DRC8: variants seen among roughly 807,000 people sequenced by gnomAD.
The protein encoded by DRC8 is dynein regulatory complex subunit 8.
the DRC8 span, among the ~76,000 whole-genome samples, chr1:245,055,207 G>T: frequency 4.3e-3 from 649 of 152,292 alleles, 1 homozygote; most frequent in African/African-American, 0.014. Context: ...GGCATAACCA[G>T]CAAGAACAAG....
chr1:245,002,123 C>T, the DRC8 span: 1 of 1,600,670 alleles, frequency 6.2e-7, no homozygotes, highest in African/African-American at 1.3e-5. Flanking sequence ...TATGCTAGGG[C>T]CTGGGATACA....
chr1:244,978,380 CT>C, the DRC8 span, among the ~76,000 whole-genome samples: 10 of 151,650 alleles, frequency 6.6e-5, no homozygotes, highest in African/African-American at 2.2e-4. Context: ...GTTATCCCAG[CT>C]ACTCGGGAGG....
the DRC8 span, among the ~76,000 whole-genome samples, chr1:245,089,520 G>A: frequency 6.6e-6 from 1 of 152,024 alleles, no homozygotes; most frequent in Admixed American, 6.6e-5. The surrounding 1 kb of genome is among the most constrained non-coding windows in gnomAD (Gnocchi z 4.8). Flanking sequence ...AGAATTGCAA[G>A]GAGGAGGCAG....
At chr1:245,010,681 C>CTTTTTTT in the DRC8 span, among the ~76,000 whole-genome samples, 13 of 127,232 alleles carry the variant, frequency 1.0e-4, no homozygotes, top group African/African-American at 2.4e-4. Flanking sequence ...CTTTTTCTTT[C>CTTTTTTT]TTTTTTTTTT....
At chr1:245,026,355 G>C in the DRC8 span, among the ~76,000 whole-genome samples, 1 of 152,118 alleles carries the variant, frequency 6.6e-6, no homozygotes, top group African/African-American at 2.4e-5. Context: ...CTTTTCCTAG[G>C]AGCACTGGAG....
the DRC8 span, among the ~76,000 whole-genome samples, chr1:245,119,026 T>C: frequency 6.6e-6 from 1 of 152,190 alleles, no homozygotes; most frequent in Non-Finnish European, 1.5e-5. Flanking sequence ...TTGCTGGTGG[T>C]ATGAGATGCT....
chr1:245,059,907 CAT>C, the DRC8 span, among the ~76,000 whole-genome samples: 2 of 152,146 alleles, frequency 1.3e-5, no homozygotes, highest in Non-Finnish European at 1.5e-5. Context: ...AAAAACGAGT[CAT>C]GTGTAATAGT....
chr1:245,061,802 A>G, the DRC8 span, among the ~76,000 whole-genome samples: 1 of 152,208 alleles, frequency 6.6e-6, no homozygotes, highest in Non-Finnish European at 1.5e-5. Flanking sequence ...ATGTGTGTAT[A>G]TGCTTTAAAA....
chr1:244,999,662 A>G, the DRC8 span, among the ~76,000 whole-genome samples: 1 of 152,188 alleles, frequency 6.6e-6, no homozygotes, highest in Admixed American at 6.5e-5. Flanking sequence ...TTTAATCATG[A>G]TTGTAATTAT....
chr1:244,977,582 C>T, the DRC8 span, among the ~76,000 whole-genome samples: 335 of 152,134 alleles, frequency 2.2e-3, no homozygotes, highest in African/African-American at 7.8e-3. Context: ...TTTGGAGCCC[C>T]CATCCCTCTG....
chr1:245,048,041 T>A, the DRC8 span, among the ~76,000 whole-genome samples: 1 of 150,826 alleles, frequency 6.6e-6, no homozygotes, highest in East Asian at 2.0e-4. Flanking sequence ...TGGATCATCA[T>A]AAAGGTCTTG....
chr1:245,070,125 A>G, the DRC8 span, among the ~76,000 whole-genome samples: 4 of 152,206 alleles, frequency 2.6e-5, no homozygotes, highest in Admixed American at 6.5e-5. Context: ...TATATGAGGA[A>G]GTTGAGTATT....
At chr1:245,023,989 G>A in the DRC8 span, among the ~76,000 whole-genome samples, 2 of 152,170 alleles carry the variant, frequency 1.3e-5, no homozygotes, top group East Asian at 1.9e-4. Context: ...GGCCAACATG[G>A]TGAAACCCCG....
the DRC8 span, among the ~76,000 whole-genome samples, chr1:244,974,450 C>CA: frequency 6.6e-6 from 1 of 152,162 alleles, no homozygotes; most frequent in East Asian, 1.9e-4. Context: ...ACTTTGCGTG[C>CA]TTTGATAACA....
chr1:245,022,478 A>G, the DRC8 span, among the ~76,000 whole-genome samples: 3 of 152,108 alleles, frequency 2.0e-5, no homozygotes, highest in Non-Finnish European at 4.4e-5. Context: ...TTTCATTTAT[A>G]TATATTTTCC....
the DRC8 span, among the ~76,000 whole-genome samples, chr1:245,108,227 TC>T: frequency 6.6e-6 from 1 of 152,060 alleles, no homozygotes; most frequent in Non-Finnish European, 1.5e-5. Flanking sequence ...CCCTTCCATT[TC>T]CCAGCCTCCT....
At chr1:245,000,878 G>A in the DRC8 span, among the ~76,000 whole-genome samples, 2 of 152,058 alleles carry the variant, frequency 1.3e-5, no homozygotes, top group African/African-American at 4.8e-5. Flanking sequence ...GGGTACTGTG[G>A]AATCATAGAG....
chr1:245,026,865 G>A, the DRC8 span, among the ~76,000 whole-genome samples: 2 of 152,304 alleles, frequency 1.3e-5, no homozygotes, highest in East Asian at 3.9e-4. Context: ...GCATGGAAAT[G>A]ATAAGGATTA....
chr1:245,065,073 CTTT>C, the DRC8 span, among the ~76,000 whole-genome samples: 1 of 81,566 alleles, frequency 1.2e-5, no homozygotes, highest in South Asian at 4.9e-4. Flanking sequence ...TAACATTCTT[CTTT>C]TTTTTTTTTT....
Sources: gnomAD v4.1 joint callset for allele counts (sites outside exome capture counted in the v4.1 genomes callset) on GRCh38, gnomAD v4.1.1 for gene constraint, Gnocchi (gnomAD v3.1) non-coding constraint, MANE v1.5 for transcripts, NCBI Gene and HGNC (gene_info 2026-07-23, HGNC 2026-07-21) for gene names.